Variants in RPS6KA5 observed in about 807,000 individuals in gnomAD.
RPS6KA5 encodes the protein ribosomal protein S6 kinase alpha-5.
Under a neutral mutation model 85.5 loss-of-function variants are expected in RPS6KA5, and 27 were observed. The ratio of observed to expected loss-of-function variants is 0.32; its 90% CI spans 0.23 to 0.44. The LOEUF (loss-of-function observed/expected upper bound fraction) is 0.44. RPS6KA5 is among the 20% of genes least tolerant of loss of function. The probability of loss-of-function intolerance (pLI) is 1.00; values close to 1 mark genes in which losing one functional copy is unlikely to be tolerated. For synonymous variants in RPS6KA5, 334 were observed against 348.2 expected, an observed-to-expected ratio of 0.96 and a Z score of 0.46; for missense variants, 811 against 980.9, an observed-to-expected ratio of 0.83 and a Z score of 2.31.
chr14:90,947,352 G>A lies in RPS6KA5; in HGVS notation c.510+83C>T, dbSNP rs1432090953. The A allele has an allele frequency of 1.3e-5, 10 of 751,488 alleles. No homozygotes were observed. In the East Asian group the frequency reaches 2.2e-4, roughly 17 times the overall value. 46.6% of individuals were successfully genotyped at this position (751,488 alleles called of 1,614,324 possible). On this transcript the variant is annotated intron_variant, in intron 4 of 16. Coordinates refer to ENST00000614987, the MANE Select transcript of RPS6KA5 (RefSeq NM_004755.4). ...ATAATCTCCACTAAGACAATAACAT[G>A]TAAAAACATTAGCTCTTCCAGCTCC...
At chr14:90,884,836 G>C (rs907241438) in intron 14 of RPS6KA5, among the ~76,000 whole-genome samples, 4 of 152,164 alleles carry the variant, frequency 2.6e-5, no homozygotes, top group Non-Finnish European at 4.4e-5. Flanking sequence ...ATATATTCCT[G>C]AATTGGAATT....
intron 1 of RPS6KA5, among the ~76,000 whole-genome samples, chr14:91,041,037 A>T (rs969428599): frequency 6.6e-6 from 1 of 152,176 alleles, no homozygotes; most frequent in Non-Finnish European, 1.5e-5. Flanking sequence ...AATAGAAATA[A>T]CTAGAGGGCG....
At chr14:90,882,704 A>G (rs776152976) in intron 14 of RPS6KA5, among the ~76,000 whole-genome samples, 1 of 151,912 alleles carries the variant, frequency 6.6e-6, no homozygotes, top group Non-Finnish European at 1.5e-5. Flanking sequence ...CTTTGAATGT[A>G]TCACTCCACT....
At chr14:90,967,379 G>A (rs1367481662) in intron 3 of RPS6KA5, among the ~76,000 whole-genome samples, 2 of 151,834 alleles carry the variant, frequency 1.3e-5, no homozygotes, top group South Asian at 2.1e-4. Flanking sequence ...TATGAGCCAG[G>A]CATACAGTAG....
intron 1 of RPS6KA5, among the ~76,000 whole-genome samples, chr14:91,004,741 G>A (rs1257164898): frequency 6.6e-6 from 1 of 151,976 alleles, no homozygotes; most frequent in Non-Finnish European, 1.5e-5. Context: ...GCCGAGGCGG[G>A]TGGATCACGA....
At chr14:90,874,591 TG>T (rs1252658801) in intron 15 of RPS6KA5, among the ~76,000 whole-genome samples, 6 of 152,202 alleles carry the variant, frequency 3.9e-5, no homozygotes, top group Non-Finnish European at 1.5e-5. Flanking sequence ...AAAGGATTTT[TG>T]GCAGAAAAGA....
At chr14:91,013,819 G>T (rs991082369) in intron 1 of RPS6KA5, among the ~76,000 whole-genome samples, 11 of 152,164 alleles carry the variant, frequency 7.2e-5, no homozygotes, top group African/African-American at 2.7e-4. Flanking sequence ...TGTACAGGTT[G>T]AAACAACAGT....
At chr14:90,984,017 G>T (rs574135796) in intron 2 of RPS6KA5, among the ~76,000 whole-genome samples, 236 of 152,152 alleles carry the variant, frequency 1.6e-3, no homozygotes, top group African/African-American at 5.5e-3. Flanking sequence ...GCTAATTTTT[G>T]TATTTTTAGT....
intron 5 of RPS6KA5, among the ~76,000 whole-genome samples, chr14:90,930,942 A>G (rs1258805751): frequency 2.0e-5 from 3 of 152,246 alleles, no homozygotes; most frequent in Non-Finnish European, 4.4e-5. Context: ...TGCTGGTGAG[A>G]ATGTAAAATG....
intron 1 of RPS6KA5, among the ~76,000 whole-genome samples, chr14:91,043,893 G>C (rs2042695380): frequency 1.3e-5 from 2 of 152,176 alleles, no homozygotes; most frequent in Non-Finnish European, 2.9e-5. Context: ...TTTTGCAGAT[G>C]TAATTATGGT....
chr14:91,050,666 T>C (rs1251446995), intron 1 of RPS6KA5, among the ~76,000 whole-genome samples: 1 of 151,998 alleles, frequency 6.6e-6, no homozygotes, highest in Non-Finnish European at 1.5e-5. Context: ...CGACCCCAGG[T>C]GATACACCCG....
chr14:90,900,271 A>G lies in RPS6KA5; in HGVS notation c.1246-30T>C, dbSNP rs770990040. The G allele has an allele frequency of 2.0e-6, 3 of 1,497,266 alleles. No homozygotes were observed. In the South Asian group the frequency reaches 4.3e-5, roughly 21 times the overall value. The allele number at this position is 1,497,266 out of a possible 1,614,324, so 92.7% of individuals were successfully genotyped here. The stretch of plus-strand genomic sequence containing the variant: ...CAAGAAATCAACATCATTTAACTTC[A>G]GAAAATGTCAGTAATACACAAAGGA... On this transcript the variant is annotated intron_variant, in intron 10 of 16. Coordinates refer to ENST00000614987, the MANE Select transcript of RPS6KA5 (RefSeq NM_004755.4).
chr14:90,951,017 G>C (rs1330546858), intron 3 of RPS6KA5, among the ~76,000 whole-genome samples: 2 of 151,582 alleles, frequency 1.3e-5, no homozygotes, highest in Non-Finnish European at 2.9e-5. Flanking sequence ...CTACTCGGGA[G>C]GCTGAGGCAG....
Position 90,900,713 on chromosome 14 carries a change from G to A in RPS6KA5, c.1143C>T (p.Ser381=). The change falls in exon 10 of 17, where the codon TCC becomes TCT. Residue 381 remains serine, a synonymous_variant. Transcript: ENST00000614987. ...CAGCTGCATTACGCTTGAATAGGAT[G>A]GAAGGAGCAACAAAGGAATAGCCCT... ...LFQGYSFVAP[S]ILFKRNAAVI... is the part of the protein sequence containing the mutation. 6.2e-7 allele frequency: 1 copy of A among 1,612,790 alleles called. No individual in the cohort carries two copies.
intron 14 of RPS6KA5, among the ~76,000 whole-genome samples, chr14:90,881,138 G>C (rs1345465180): frequency 1.3e-5 from 2 of 151,702 alleles, no homozygotes; most frequent in Non-Finnish European, 1.5e-5. Flanking sequence ...CCAGCCTCTT[G>C]TAAACTTTTT....
chr14:91,001,568 G>A (rs2040799245), intron 1 of RPS6KA5, among the ~76,000 whole-genome samples: 1 of 152,050 alleles, frequency 6.6e-6, no homozygotes, highest in Admixed American at 6.6e-5. Context: ...CCATCCCCAG[G>A]TTCTAGGGTA....
At position 90,851,302 on chromosome 14, in the gene RPS6KA5, T is replaced by C. The variant is rs1009685905; in HGVS notation, c.*20772A>G. On this transcript the variant is annotated 3_prime_UTR_variant, in exon 17 of 17. Transcript: ENST00000614987. ...ATCCACCCTCCTCAGCCTCCCAAAG[T>C]GCTGGGATTACAGGAGTGAGCCACC... 5 of 152,246 alleles carry C rather than the reference T, an allele frequency of 3.3e-5. No individual in the cohort carries two copies. Among genetic ancestry groups the C allele is most frequent in the Middle Eastern group, 3.1e-3 (1 of 318 alleles). 9.4% of individuals were successfully genotyped at this position (152,246 alleles called of 1,614,324 possible). A position where few individuals can be genotyped will look rare whatever the true frequency, so the allele number is the denominator to read the frequency against.
At chr14:90,960,938 G>A (rs896157998) in intron 3 of RPS6KA5, among the ~76,000 whole-genome samples, 2 of 152,144 alleles carry the variant, frequency 1.3e-5, no homozygotes, top group Non-Finnish European at 2.9e-5. Context: ...AATGAAAATG[G>A]GCTAAGTGGT....
chr14:91,023,912 CA>C, intron 1 of RPS6KA5, among the ~76,000 whole-genome samples: 1 of 152,268 alleles, frequency 6.6e-6, no homozygotes, highest in Non-Finnish European at 1.5e-5. Context: ...GTATCATTAT[CA>C]ATTTTCCCCA....
Sources: allele counts gnomAD v4.1 joint callset (sites outside exome capture counted in the v4.1 genomes callset), GRCh38; gene constraint gnomAD v4.1.1; transcripts MANE v1.5; gene names NCBI Gene and HGNC (gene_info 2026-07-23, HGNC 2026-07-21).